Variants in SORCS2 observed in about 807,000 individuals in gnomAD.
The protein encoded by SORCS2 is VPS10 domain-containing receptor SorCS2.
Under a neutral mutation model 141.6 loss-of-function variants are expected in SORCS2, and 100 were observed. The ratio of observed to expected loss-of-function variants is 0.71; its 90% CI spans 0.60 to 0.83. The LOEUF (loss-of-function observed/expected upper bound fraction) is 0.83, where lower values mean the gene tolerates loss of function less well. Among genes scored for constraint, SORCS2 ranks in the 40% least tolerant of loss-of-function variants. SORCS2 has a pLI of 0.00. For missense variants in SORCS2, 1,646 were observed against 1,560.2 expected, an observed-to-expected ratio of 1.05 and a Z score of -0.93; for synonymous variants, 789 against 676.9, an observed-to-expected ratio of 1.17 and a Z score of -2.57.
chr4:7,483,603 C>T (rs1351292020), intron 2 of SORCS2, among the ~76,000 whole-genome samples: 8 of 152,124 alleles, frequency 5.3e-5, no homozygotes, highest in South Asian at 2.1e-4. Flanking sequence ...GCCTGAGGGA[C>T]GGAAAAAAGC....
intron 2 of SORCS2, among the ~76,000 whole-genome samples, chr4:7,509,688 T>C (rs115170994): frequency 0.016 from 2,379 of 152,080 alleles, 70 homozygotes; most frequent in African/African-American, 0.054. Flanking sequence ...AAGGAGCTGG[T>C]GTTGAGGGGA....
chr4:7,516,899 G>A lies in SORCS2; in HGVS notation c.549-14631G>A, dbSNP rs544739705. Among the ~76,000 whole-genome samples the A allele has an allele frequency of 5.9e-5, 9 of 152,304 alleles. No homozygotes were observed. The East Asian group carries it at 9.7e-4, about 16-fold the overall frequency. On this transcript the variant is annotated intron_variant, in intron 2 of 26. Transcript: ENST00000507866. ...GGAGTTGGGGCCGCATGTTGTGAGG[G>A]CCCCATTCACAGCTTGGGAGCCAGG...
rs562898490 is a variant in SORCS2 at position 7,712,993 on chromosome 4, C to T, written c.1989+140C>T. 274 of 1,292,986 alleles carry T rather than the reference C, an allele frequency of 2.1e-4. No homozygotes were observed. The Middle Eastern group carries it at 4.1e-3, about 19-fold the overall frequency. The allele number at this position is 1,292,986 out of a possible 1,614,324, so 80.1% of individuals were successfully genotyped here. Reference sequence around the variant, plus strand: ...GAAGTCTTCAGGGAATCCCCAGCGCCTTGAGATGTCCAGGCCTCCTGTGGG... The same window carrying T: ...GAAGTCTTCAGGGAATCCCCAGCGCTTTGAGATGTCCAGGCCTCCTGTGGG... On this transcript the variant is annotated intron_variant, in intron 15 of 26. Transcript: ENST00000507866.
chr4:7,741,325 C>A lies in SORCS2; in HGVS notation c.*1061C>A. Reference sequence around the variant, plus strand: ...CCCAGGGAGGAGAGTAACTGAAGGTCACAGCACGGTCACAGCAGAGGTGGC... The same window carrying A: ...CCCAGGGAGGAGAGTAACTGAAGGTAACAGCACGGTCACAGCAGAGGTGGC... On this transcript the variant is annotated 3_prime_UTR_variant, in exon 27 of 27. Transcript: ENST00000507866. 2.5e-6 allele frequency: 1 copy of A among 398,920 alleles called. No individual in the cohort carries two copies. The highest frequency in any genetic ancestry group is 1.3e-4 in the South Asian group (1 of 7,774). The allele number at this position is 398,920 out of a possible 1,614,324, so 24.7% of individuals were successfully genotyped here. A position where few individuals can be genotyped will look rare whatever the true frequency, so the allele number is the denominator to read the frequency against.
At chr4:7,401,624 C>G (rs1436066614) in intron 2 of SORCS2, among the ~76,000 whole-genome samples, 3 of 152,194 alleles carry the variant, frequency 2.0e-5, no homozygotes, top group Non-Finnish European at 4.4e-5. Flanking sequence ...TTGCTTCACA[C>G]TGAGCACGGC....
chr4:7,732,883 G>A (rs553891017), intron 23 of SORCS2, among the ~76,000 whole-genome samples: 4 of 152,150 alleles, frequency 2.6e-5, no homozygotes, highest in East Asian at 3.9e-4. Context: ...GAGGCTCAGC[G>A]AGGCCAGGTG....
intron 2 of SORCS2, chr4:7,431,178 C>G (rs1458875454): frequency 6.6e-6 from 1 of 152,422 alleles, no homozygotes; most frequent in African/African-American, 2.4e-5. Context: ...CCAGTGAGCT[C>G]CGTTCATCAC....
Position 7,714,229 on chromosome 4 carries a change from T to A in SORCS2, c.1990-11T>A. The A allele has an allele frequency of 1.2e-6, 2 of 1,608,878 alleles. No homozygotes were observed. Among genetic ancestry groups the A allele is most frequent in the Non-Finnish European group, 1.7e-6 (2 of 1,177,832 alleles). Reference sequence around the variant, plus strand: ...CTCAGGCAGCTCCTTACCCTGATGTTCCTGCTGCAGGGCGACCGCTGTATC... The same window carrying A: ...CTCAGGCAGCTCCTTACCCTGATGTACCTGCTGCAGGGCGACCGCTGTATC... On this transcript the variant is annotated splice_polypyrimidine_tract_variant and intron_variant, in intron 15 of 26. Transcript: ENST00000507866.
chr4:7,715,224 C>G lies in SORCS2; in HGVS notation c.2165C>G (p.Thr722Ser). 1 of 1,614,024 alleles carries G rather than the reference C, an allele frequency of 6.2e-7. No homozygotes were observed. Among genetic ancestry groups the G allele is most frequent in the South Asian group, 1.1e-5 (1 of 91,078 alleles). ...CGCTCCTCCTCCTCAGAGTCCAGCA[C>G]CAACAAGTGCTCTGCCAACTTCTGG... Reference protein sequence around the residue: ...FERSSSSESSTNKCSANFWFN... With the variant: ...FERSSSSESSSNKCSANFWFN... Residue 722 changes from threonine to serine, a missense_variant, in exon 17 of 27, where the codon ACC becomes AGC. Coordinates refer to ENST00000507866, the MANE Select transcript of SORCS2 (RefSeq NM_020777.3).
intron 2 of SORCS2, chr4:7,434,481 C>A (rs369932062): frequency 1.2e-6 from 2 of 1,611,832 alleles, no homozygotes; most frequent in Admixed American, 1.7e-5. Context: ...GCGCTGTGCA[C>A]ACCTGTGCCG....
intron 23 of SORCS2, among the ~76,000 whole-genome samples, chr4:7,731,278 C>T (rs1235201940): frequency 6.6e-6 from 1 of 152,132 alleles, no homozygotes. Context: ...AAAGCTTGTG[C>T]ACTAAAAACC....
At chr4:7,529,301 C>T (rs1451925416) in intron 2 of SORCS2, among the ~76,000 whole-genome samples, 1 of 152,192 alleles carries the variant, frequency 6.6e-6, no homozygotes, top group Non-Finnish European at 1.5e-5. Flanking sequence ...ACCCGCACCC[C>T]TACACCGTTG....
intron 2 of SORCS2, among the ~76,000 whole-genome samples, chr4:7,466,412 A>C (rs1350153497): frequency 6.6e-6 from 1 of 152,056 alleles, no homozygotes; most frequent in Admixed American, 6.6e-5. Flanking sequence ...TCACGTGGCC[A>C]CGCCCCACTC....
intron 2 of SORCS2, among the ~76,000 whole-genome samples, chr4:7,475,304 C>T (rs1730224427): frequency 6.6e-6 from 1 of 152,108 alleles, no homozygotes; most frequent in Admixed American, 6.5e-5. Context: ...GAGAGCTGGT[C>T]ATGGTGGGAA....
chr4:7,704,796 G>A lies in SORCS2; in HGVS notation c.1868+512G>A, dbSNP rs149655042. ...GGGACATGCGGCGTTCGACTGCACC[G>A]CTGCGGCCGCAATGGGAGACAGCCG... On this transcript the variant is annotated intron_variant, in intron 14 of 26. Transcript: ENST00000507866. Among the ~76,000 whole-genome samples the A allele has an allele frequency of 6.6e-5, 10 of 152,332 alleles. 1 individual carries two copies. In the South Asian group the frequency reaches 1.4e-3, roughly 22 times the overall value.
At chr4:7,672,767 C>G (rs1722871610) in intron 8 of SORCS2, among the ~76,000 whole-genome samples, 1 of 152,134 alleles carries the variant, frequency 6.6e-6, no homozygotes, top group Non-Finnish European at 1.5e-5. Flanking sequence ...ACATTGCTTC[C>G]CAGCTAAAAG....
In SORCS2 at chr4:7,338,001, C is replaced by T. The variant is rs146196149; in HGVS notation, c.481-58287C>T. On this transcript the variant is annotated intron_variant, in intron 1 of 26. Coordinates refer to ENST00000507866, the MANE Select transcript of SORCS2 (RefSeq NM_020777.3). ...ATGCCCTAACCCTACTGTTGCATCC[C>T]CATCACCTGGGCATTGCGTACCTGC... Among the ~76,000 whole-genome samples the T allele has an allele frequency of 3.6e-3, 552 of 152,334 alleles. 5 individuals are homozygous for T. The highest frequency in any genetic ancestry group is 0.013 in the African/African-American group (521 of 41,574).
At chr4:7,333,753 G>A (rs774170163) in intron 1 of SORCS2, among the ~76,000 whole-genome samples, 1 of 152,222 alleles carries the variant, frequency 6.6e-6, no homozygotes, top group Non-Finnish European at 1.5e-5. Context: ...GGCAGCTGTG[G>A]GTGAGATACA....
chr4:7,488,195 G>A (rs1731110428), intron 2 of SORCS2, among the ~76,000 whole-genome samples: 1 of 152,340 alleles, frequency 6.6e-6, no homozygotes, highest in African/African-American at 2.4e-5. Flanking sequence ...CCCGTGGGCC[G>A]GCTGTCTGCT....
Sources: allele counts gnomAD v4.1 joint callset (sites outside exome capture counted in the v4.1 genomes callset), GRCh38; gene constraint gnomAD v4.1.1; transcripts MANE v1.5; gene names NCBI Gene and HGNC (gene_info 2026-07-23, HGNC 2026-07-21).